Variants in GTF3C3 observed in about 807,000 individuals in gnomAD.
GTF3C3 encodes general transcription factor IIIC subunit 3.
In GTF3C3, 75 loss-of-function variants were observed where a neutral mutation model predicts 105.2. That is an observed-to-expected ratio of 0.71 (90% CI 0.59 to 0.86). The LOEUF (loss-of-function observed/expected upper bound fraction) is 0.86, where lower values mean the gene tolerates loss of function less well. Among genes scored for constraint, GTF3C3 ranks in the 40% least tolerant of loss-of-function variants. The probability of loss-of-function intolerance (pLI) is 0.00; values close to 1 mark genes in which losing one functional copy is unlikely to be tolerated. For synonymous variants in GTF3C3, 335 were observed against 370.4 expected (o/e 0.90, Z 1.10); for missense variants, 856 against 1,076.5 (o/e 0.80, Z 2.87).
intron 12 of GTF3C3, among the ~76,000 whole-genome samples, chr2:196,775,491 A>T (rs1461553336): frequency 6.6e-6 from 1 of 152,188 alleles, no homozygotes; most frequent in African/African-American, 2.4e-5. Context: ...CCTTAGTAAG[A>T]AAAAAGGAAA....
At chr2:196,781,232 TAAATA>T (rs1699344213) in intron 8 of GTF3C3, among the ~76,000 whole-genome samples, 1 of 149,844 alleles carries the variant, frequency 6.7e-6, no homozygotes, top group Non-Finnish European at 1.5e-5. Context: ...ATTCAAGAAT[TAAATA>T]ACTATCTGTT....
At chr2:196,787,678 T>C (rs1299706878) in intron 6 of GTF3C3, among the ~76,000 whole-genome samples, 2 of 152,180 alleles carry the variant, frequency 1.3e-5, no homozygotes, top group East Asian at 3.8e-4. Context: ...CCTGCTTTGT[T>C]TTTCTTCATA....
chr2:196,773,906 T>TGTG (rs1699219310), intron 13 of GTF3C3, among the ~76,000 whole-genome samples: 1 of 152,200 alleles, frequency 6.6e-6, no homozygotes, highest in Admixed American at 6.5e-5. Context: ...GCCCACCCAC[T>TGTG]GCTCACCTCC....
intron 12 of GTF3C3, among the ~76,000 whole-genome samples, chr2:196,775,651 T>G (rs1319070007): frequency 1.3e-5 from 2 of 152,208 alleles, no homozygotes; most frequent in Non-Finnish European, 2.9e-5. Flanking sequence ...TCCCCAGAGA[T>G]ACACCCACAG....
intron 8 of GTF3C3, 188 bp from the exon 9 acceptor site, chr2:196,780,850 G>T: frequency 1.8e-6 from 1 of 560,966 alleles, no homozygotes. Context: ...CTTCCTATTC[G>T]ATTTCTAATA....
intron 8 of GTF3C3, among the ~76,000 whole-genome samples, chr2:196,782,928 C>T (rs1323356679): frequency 5.3e-5 from 8 of 152,128 alleles, no homozygotes; most frequent in Non-Finnish European, 1.2e-4. Context: ...TTTTAAAAAG[C>T]TTGTCTTTGT....
chr2:196,765,736 C>T (rs571372423), intron 17 of GTF3C3, among the ~76,000 whole-genome samples: 4 of 151,828 alleles, frequency 2.6e-5, no homozygotes, highest in Admixed American at 6.6e-5. Flanking sequence ...TTGTGCCGGG[C>T]GCAGTGGCTC....
chr2:196,769,938 G>T lies in GTF3C3; in HGVS notation c.2362C>A (p.Arg788=). 1 of 1,607,046 alleles carries T rather than the reference G, an allele frequency of 6.2e-7. No individual in the cohort carries two copies. Among genetic ancestry groups the T allele is most frequent in the South Asian group, 1.1e-5 (1 of 90,264 alleles). Residue 788 remains arginine, a synonymous_variant, in exon 16 of 18, where the codon CGG becomes AGG. Transcript: ENST00000263956. Reference sequence around the variant, plus strand: ...ACCTGTACAATAAGAGCATGTCTCCGTAACACATACTTCTGAGATGCCATA... The same window carrying T: ...ACCTGTACAATAAGAGCATGTCTCCTTAACACATACTTCTGAGATGCCATA... ...IHMASQKYVL[R]RHALIVQGFS...
chr2:196,766,887 C>T (rs13028147), intron 16 of GTF3C3, 170 bp from the exon 17 acceptor site: 9,462 of 421,970 alleles, frequency 0.022, 159 homozygotes, highest in Non-Finnish European at 0.024. Flanking sequence ...AACATTATAG[C>T]TCTTCTGAAG....
intron 8 of GTF3C3, 55 bp from the exon 9 acceptor site, chr2:196,780,717 C>T: frequency 6.4e-7 from 1 of 1,559,710 alleles, no homozygotes; most frequent in Non-Finnish European, 8.7e-7. Flanking sequence ...AGATGTGTAT[C>T]TTCTATGTAA....
At chr2:196,795,212 A>G (rs1313991021) in intron 2 of GTF3C3, among the ~76,000 whole-genome samples, 2 of 151,106 alleles carry the variant, frequency 1.3e-5, no homozygotes, top group African/African-American at 2.4e-5. Context: ...TAATTTTTCT[A>G]TTTTTAGTAA....
intron 15 of GTF3C3, among the ~76,000 whole-genome samples, chr2:196,770,898 G>A (rs1699161769): frequency 6.6e-6 from 1 of 152,052 alleles, no homozygotes; most frequent in Non-Finnish European, 1.5e-5. Flanking sequence ...AAAGAGGAAT[G>A]TTTCAACATC....
chr2:196,782,934 T>C lies in GTF3C3; in HGVS notation c.1114+1923A>G, dbSNP rs1699391306. ...TACACTATCTTTTAAAAAGCTTGTC[T>C]TTGTGTCACTGATACTTTATTCTCC... On this transcript the variant is annotated intron_variant, in intron 8 of 17. Transcript: ENST00000263956. 2.0e-5 allele frequency among the ~76,000 whole-genome samples: 3 copies of C among 152,206 alleles called. No individual in the cohort carries two copies. The South Asian group carries it at 6.2e-4, about 31-fold the overall frequency.
In GTF3C3 at chr2:196,763,945, TATAG is replaced by T. The variant is rs1699014452; in HGVS notation, c.*614_*617del. The stretch of plus-strand genomic sequence containing the variant: ...TATTTTTTCATCAGAAAGCCACAAA[TATAG>T]ATAAAGCATTTTTTTATTTGCCTTG... On this transcript the variant is annotated 3_prime_UTR_variant, in exon 18 of 18. Transcript: ENST00000263956. 1.3e-5 allele frequency: 2 copies of T among 152,302 alleles called. No individual in the cohort carries two copies. The highest frequency in any genetic ancestry group is 2.4e-5 in the African/African-American group (1 of 41,570). The allele number at this position is 152,302 out of a possible 1,614,324, so 9.4% of individuals were successfully genotyped here.
intron 13 of GTF3C3, chr2:196,773,809 A>G (rs1699218537): frequency 8.1e-6 from 2 of 248,170 alleles, no homozygotes; most frequent in African/African-American, 4.5e-5. Flanking sequence ...TCGCATGGGC[A>G]GTTTACAATA....
chr2:196,774,313 A>G (rs1699225970), intron 13 of GTF3C3, among the ~76,000 whole-genome samples: 1 of 152,228 alleles, frequency 6.6e-6, no homozygotes, highest in African/African-American at 2.4e-5. Context: ...TAAGAAAATG[A>G]TTAAATTATG....
Position 196,763,570 on chromosome 2 carries a change from G to A in GTF3C3, c.*993C>T, listed in dbSNP as rs1336910404. ...AAGTTTTGTGTACAGTAGAAACAGT[G>A]GTAAGAATTTCTAATAAGTCCCAAT... On this transcript the variant is annotated 3_prime_UTR_variant, in exon 18 of 18. Coordinates refer to ENST00000263956, the MANE Select transcript of GTF3C3 (RefSeq NM_012086.5). The A allele has an allele frequency of 1.3e-5, 2 of 152,152 alleles. No homozygotes were observed. Among genetic ancestry groups the A allele is most frequent in the Non-Finnish European group, 2.9e-5 (2 of 68,026 alleles). The allele number at this position is 152,152 out of a possible 1,614,324, so 9.4% of individuals were successfully genotyped here.
intron 9 of GTF3C3, among the ~76,000 whole-genome samples, chr2:196,779,435 A>G (rs140153384): frequency 1.3e-3 from 197 of 152,274 alleles, no homozygotes; most frequent in Admixed American, 6.0e-3. Flanking sequence ...ATAAGAGGCA[A>G]GCTGAAAAGG....
chr2:196,788,923 C>T (rs1024098099), intron 6 of GTF3C3, among the ~76,000 whole-genome samples: 1 of 151,786 alleles, frequency 6.6e-6, no homozygotes, highest in African/African-American at 2.4e-5. Flanking sequence ...AAAAATTAGC[C>T]GGGTGTGGTG....
Sources: gnomAD v4.1 joint callset for allele counts (sites outside exome capture counted in the v4.1 genomes callset) on GRCh38, gnomAD v4.1.1 for gene constraint, MANE v1.5 for transcripts, NCBI Gene and HGNC (gene_info 2026-07-23, HGNC 2026-07-21) for gene names.